CBR4: variants seen among roughly 807,000 people sequenced by gnomAD.
CBR4 encodes the protein carbonyl reductase 4.
In CBR4, 22 loss-of-function variants were observed where a neutral mutation model predicts 21.0. The ratio of observed to expected loss-of-function variants is 1.05; its 90% confidence interval spans 0.75 to 1.50. The LOEUF is 1.50. Among genes scored for constraint, CBR4 ranks in the 40% most tolerant of loss-of-function variants. The probability of loss-of-function intolerance (pLI) is 0.00; values close to 1 mark genes in which losing one functional copy is unlikely to be tolerated. For missense variants in CBR4, 302 were observed against 286.3 expected (o/e 1.05, Z -0.40); for synonymous variants, 100 against 104.4 (o/e 0.96, Z 0.26).
intron 2 of CBR4, among the ~76,000 whole-genome samples, chr4:168,900,557 G>A (rs1756287697): frequency 6.6e-6 from 1 of 152,148 alleles, no homozygotes; most frequent in African/African-American, 2.4e-5. Context: ...ACACTTTTAG[G>A]TGTTAATTTC....
intron 2 of CBR4, among the ~76,000 whole-genome samples, chr4:168,942,366 G>A (rs912438680): frequency 2.6e-5 from 4 of 151,534 alleles, no homozygotes; most frequent in Non-Finnish European, 5.9e-5. Flanking sequence ...AAACTTGCAC[G>A]TTCTGCACAT....
Position 168,895,218 on chromosome 4 carries a change from C to T in CBR4, n.170-453G>A, listed in dbSNP as rs192083368. ...CCAACATGGTGAAACCCCGTCTCTA[C>T]TAAAAATACAAAAATTAGCCAGGTG... On this transcript the variant is annotated intron_variant and non_coding_transcript_variant, in intron 2 of 3. Coordinates refer to the CBR4 transcript ENST00000509108. Among the ~76,000 whole-genome samples, 734 of 152,168 alleles carry T rather than the reference C, an allele frequency of 4.8e-3. 7 individuals are homozygous for T. Among genetic ancestry groups the T allele is most frequent in the Admixed American group, 5.4e-3 (83 of 15,280 alleles).
chr4:168,911,429 C>T (rs899682949), intron 2 of CBR4, among the ~76,000 whole-genome samples: 2 of 152,082 alleles, frequency 1.3e-5, no homozygotes, highest in Non-Finnish European at 2.9e-5. Context: ...TCATGGAAGC[C>T]GCAAAGCACA....
At chr4:169,002,556 G>C (rs1443223300) in intron 3 of CBR4, among the ~76,000 whole-genome samples, 1 of 152,160 alleles carries the variant, frequency 6.6e-6, no homozygotes, top group Non-Finnish European at 1.5e-5. Context: ...AGCAGGTAGA[G>C]GTTAAAGCCA....
chr4:169,003,958 G>T (rs1730680552), intron 3 of CBR4, among the ~76,000 whole-genome samples: 1 of 152,144 alleles, frequency 6.6e-6, no homozygotes, highest in Admixed American at 6.5e-5. Flanking sequence ...GGTGGGGGAA[G>T]CGGGGAGGGA....
At chr4:169,002,762 A>T (rs1730568918) in intron 3 of CBR4, among the ~76,000 whole-genome samples, 1 of 149,920 alleles carries the variant, frequency 6.7e-6, no homozygotes, top group African/African-American at 2.5e-5. Flanking sequence ...TTTTTTTAAC[A>T]AATTGAAGGC....
chr4:168,968,519 A>G (rs1764110059), intron 2 of CBR4, among the ~76,000 whole-genome samples: 1 of 152,242 alleles, frequency 6.6e-6, no homozygotes, highest in Non-Finnish European at 1.5e-5. Context: ...AGGAACTGAA[A>G]GAATGCACTC....
chr4:168,930,663 C>T (rs1355773037), intron 2 of CBR4, among the ~76,000 whole-genome samples: 1 of 152,180 alleles, frequency 6.6e-6, no homozygotes, highest in Non-Finnish European at 1.5e-5. Flanking sequence ...TAGCTGCGGT[C>T]ACTGAAAGTC....
intron 4 of CBR4, 69 bp from the exon 5 acceptor site, chr4:168,990,397 T>A (rs1455306567): frequency 7.7e-7 from 1 of 1,300,610 alleles, no homozygotes; most frequent in Non-Finnish European, 1.0e-6. Context: ...TCAAAAAAAA[T>A]AATAAATTTG....
chr4:168,937,680 A>G (rs1477065271), intron 2 of CBR4, among the ~76,000 whole-genome samples: 1 of 151,638 alleles, frequency 6.6e-6, no homozygotes, highest in East Asian at 1.9e-4. Flanking sequence ...CTGATAAAAC[A>G]GACTTTAAAC....
intron 3 of CBR4, chr4:169,006,054 GT>G: frequency 2.3e-6 from 1 of 441,758 alleles, no homozygotes; most frequent in Non-Finnish European, 4.1e-6. Context: ...TGCCCTGTGG[GT>G]TAGATGAACT....
Position 168,905,842 on chromosome 4 carries a change from C to T in CBR4, n.170-11077G>A, listed in dbSNP as rs1757676334. On this transcript the variant is annotated intron_variant and non_coding_transcript_variant, in intron 2 of 3. Coordinates refer to the CBR4 transcript ENST00000509108. ...TGAGACGGAATCTTGCTCTGTTGCC[C>T]AGGCTGGAGTGCAGTGGCATGATCT... Among the ~76,000 whole-genome samples, 5 of 139,264 alleles carry T rather than the reference C, an allele frequency of 3.6e-5. No homozygotes were observed. The Admixed American group carries it at 3.9e-4, about 11-fold the overall frequency. The allele number at this position is 139,264 out of a possible 152,430, so 91.4% of individuals were successfully genotyped here.
At chr4:169,007,596 AAATAT>A (rs1399193157) in intron 2 of CBR4, 35 bp downstream of exon 2, 5 of 1,304,076 alleles carry the variant, frequency 3.8e-6, no homozygotes, top group Non-Finnish European at 5.1e-6. Flanking sequence ...TAAAAGTTTT[AAATAT>A]ATATATAAGA....
At chr4:168,973,079 T>C (rs569394351) in intron 2 of CBR4, among the ~76,000 whole-genome samples, 4 of 152,254 alleles carry the variant, frequency 2.6e-5, no homozygotes, top group Non-Finnish European at 5.9e-5. Flanking sequence ...ATTGCATCTA[T>C]TGGCTTGTGT....
At chr4:168,993,361 C>G (rs573970916) in intron 4 of CBR4, among the ~76,000 whole-genome samples, 3 of 152,244 alleles carry the variant, frequency 2.0e-5, no homozygotes, top group African/African-American at 7.2e-5. Context: ...CAGGCACACG[C>G]CACCATGCCC....
chr4:168,904,436 C>T (rs548997836), intron 2 of CBR4, among the ~76,000 whole-genome samples: 1 of 152,234 alleles, frequency 6.6e-6, no homozygotes, highest in African/African-American at 2.4e-5. Flanking sequence ...TTGTATTTGC[C>T]TTTAGACTTA....
chr4:168,907,217 T>C (rs1458144640), intron 2 of CBR4, among the ~76,000 whole-genome samples: 4 of 152,200 alleles, frequency 2.6e-5, no homozygotes. Flanking sequence ...TGCTAGTTAC[T>C]GTCATTATTT....
chr4:168,960,167 CTGTCTT>C (rs2126724577), intron 2 of CBR4, among the ~76,000 whole-genome samples: 1 of 152,312 alleles, frequency 6.6e-6, no homozygotes, highest in Non-Finnish European at 1.5e-5. Context: ...GCAGAACTCT[CTGTCTT>C]TGGTACAATT....
intron 2 of CBR4, among the ~76,000 whole-genome samples, chr4:168,966,877 G>T (rs189448481): frequency 6.6e-6 from 1 of 152,050 alleles, no homozygotes; most frequent in Non-Finnish European, 1.5e-5. Context: ...AACTAGCCGG[G>T]TGTGGTGGCA....
Sources: gnomAD v4.1 joint callset for allele counts (sites outside exome capture counted in the v4.1 genomes callset) on GRCh38, gnomAD v4.1.1 for gene constraint, MANE v1.5 for transcripts, NCBI Gene and HGNC (gene_info 2026-07-23, HGNC 2026-07-21) for gene names.